The following GALNT13 variants were observed in gnomAD, a reference collection of about 807,000 sequenced individuals.
GALNT13 encodes polypeptide N-acetylgalactosaminyltransferase 13, also known as UDP-GalNAc:polypeptide N-acetylgalactosaminyltransferase 13.
Under a neutral mutation model 64.2 loss-of-function variants are expected in GALNT13, and 28 were observed. The observed-to-expected ratio is 0.44, with a 90% CI of 0.32 to 0.60. The LOEUF is 0.60. Ranked by LOEUF, GALNT13 falls within the 20% of genes least tolerant of loss-of-function variation. The probability of loss-of-function intolerance (pLI) is 0.05; values close to 1 mark genes in which losing one functional copy is unlikely to be tolerated. For missense variants in GALNT13, 577 were observed against 669.8 expected (o/e 0.86, Z 1.53); for synonymous variants, 214 against 224.6 (o/e 0.95, Z 0.42).
At chr2:153,337,803 GA>G in the GALNT13 span, 3 of 152,172 alleles carry the variant, frequency 2.0e-5, no homozygotes, top group Non-Finnish European at 4.4e-5. Flanking sequence ...AACCTAGTTG[GA>G]AAGCAATTTA....
At chr2:153,326,350 T>A in the GALNT13 span, among the ~76,000 whole-genome samples, 1 of 149,744 alleles carries the variant, frequency 6.7e-6, no homozygotes, top group Non-Finnish European at 1.5e-5. Flanking sequence ...TAAATAATCC[T>A]CCATCCCTTT....
At chr2:153,778,310 G>A in the GALNT13 span, among the ~76,000 whole-genome samples, 5 of 152,174 alleles carry the variant, frequency 3.3e-5, no homozygotes, top group African/African-American at 1.2e-4. Flanking sequence ...GTGGTCCTGG[G>A]AAATGCAACA....
At chr2:153,788,741 A>G in the GALNT13 span, among the ~76,000 whole-genome samples, 1 of 152,202 alleles carries the variant, frequency 6.6e-6, no homozygotes, top group Non-Finnish European at 1.5e-5. Flanking sequence ...CTCAAAATAA[A>G]GGGATGGAGG....
At chr2:153,456,781 C>G in the GALNT13 span, among the ~76,000 whole-genome samples, 1 of 152,218 alleles carries the variant, frequency 6.6e-6, no homozygotes, top group East Asian at 1.9e-4. Flanking sequence ...GTATCAGAAC[C>G]AGGATTTGAA....
the GALNT13 span, among the ~76,000 whole-genome samples, chr2:153,487,751 A>G: frequency 6.6e-6 from 1 of 152,222 alleles, no homozygotes; most frequent in Non-Finnish European, 1.5e-5. Flanking sequence ...GAGAACATGC[A>G]TTTTACTTTT....
At chr2:153,216,168 G>C in the GALNT13 span, among the ~76,000 whole-genome samples, 1 of 151,928 alleles carries the variant, frequency 6.6e-6, no homozygotes, top group Non-Finnish European at 1.5e-5. Context: ...CATTACTTTT[G>C]TATCAATGAG....
At chr2:154,093,697 T>C (rs1441623330) in intron 3 of GALNT13, among the ~76,000 whole-genome samples, 2 of 150,540 alleles carry the variant, frequency 1.3e-5, no homozygotes, top group African/African-American at 2.4e-5. Context: ...CGGACTCTTA[T>C]GGGAATTCCA....
At chr2:153,645,131 A>C in the GALNT13 span, among the ~76,000 whole-genome samples, 4 of 152,138 alleles carry the variant, frequency 2.6e-5, no homozygotes, top group African/African-American at 9.7e-5. Context: ...AGTTAGAGGC[A>C]AGGTTACTTG....
chr2:153,765,325 T>A, the GALNT13 span, among the ~76,000 whole-genome samples: 2 of 152,148 alleles, frequency 1.3e-5, no homozygotes, highest in South Asian at 4.1e-4. Flanking sequence ...GGAGCCCAAC[T>A]CTTGCACCAG....
the GALNT13 span, among the ~76,000 whole-genome samples, chr2:153,346,666 A>G: frequency 2.0e-5 from 3 of 152,226 alleles, no homozygotes; most frequent in African/African-American, 4.8e-5. Context: ...GAGATACACT[A>G]AATTACAAGT....
chr2:153,791,144 C>T, the GALNT13 span, among the ~76,000 whole-genome samples: 1 of 152,030 alleles, frequency 6.6e-6, no homozygotes, highest in African/African-American at 2.4e-5. Context: ...TAATAACCAG[C>T]ATTTATAAGA....
chr2:153,435,633 C>T, the GALNT13 span, among the ~76,000 whole-genome samples: 1 of 152,014 alleles, frequency 6.6e-6, no homozygotes, highest in African/African-American at 2.4e-5. Flanking sequence ...CTCTGTTTGT[C>T]TGTTATTGGT....
chr2:154,394,836 G>T (rs1698980931), intron 9 of GALNT13, among the ~76,000 whole-genome samples: 1 of 152,158 alleles, frequency 6.6e-6, no homozygotes, highest in Non-Finnish European at 1.5e-5. Context: ...AAATGGTTTG[G>T]CTGCTTCAGC....
At chr2:153,632,802 G>C in the GALNT13 span, among the ~76,000 whole-genome samples, 10 of 151,980 alleles carry the variant, frequency 6.6e-5, no homozygotes, top group African/African-American at 1.9e-4. Flanking sequence ...GCCCAGGCTA[G>C]AGTGAGGTGG....
intron 4 of GALNT13, among the ~76,000 whole-genome samples, chr2:154,237,982 C>T (rs1006225089): frequency 6.6e-6 from 1 of 151,954 alleles, no homozygotes; most frequent in Non-Finnish European, 1.5e-5. Context: ...CAACAGCTGA[C>T]TGATTTATAT....
chr2:153,403,590 C>T, the GALNT13 span, among the ~76,000 whole-genome samples: 3 of 152,188 alleles, frequency 2.0e-5, no homozygotes, highest in South Asian at 2.1e-4. Context: ...ACTCCCTGGG[C>T]GTAGGACCCT....
At chr2:153,816,661 ATAAT>A in the GALNT13 span, among the ~76,000 whole-genome samples, 237 of 152,278 alleles carry the variant, frequency 1.6e-3, 1 homozygote, top group Middle Eastern at 0.014. Flanking sequence ...TAAAAGATTG[ATAAT>A]TAATTATCAC....
chr2:153,304,716 G>A, the GALNT13 span, among the ~76,000 whole-genome samples: 1 of 152,158 alleles, frequency 6.6e-6, no homozygotes. Context: ...TTTCCCAGCT[G>A]GGCAAATAAA....
intron 9 of GALNT13, among the ~76,000 whole-genome samples, chr2:154,389,715 G>T (rs1698692368): frequency 1.3e-5 from 2 of 152,202 alleles, no homozygotes; most frequent in Admixed American, 6.5e-5. Flanking sequence ...TGCCAGGGAA[G>T]AAGGCTTTAA....
Sources: gnomAD v4.1 joint callset for allele counts (sites outside exome capture counted in the v4.1 genomes callset) on GRCh38, gnomAD v4.1.1 for gene constraint, MANE v1.5 for transcripts, NCBI Gene and HGNC (gene_info 2026-07-23, HGNC 2026-07-21) for gene names.